The following NUP62CL variants were observed in gnomAD, a reference collection of about 807,000 sequenced individuals.
NUP62CL encodes the protein nucleoporin-62 C-terminal-like protein.
In NUP62CL, 13 loss-of-function variants were observed where a neutral mutation model predicts 15.3. The ratio of observed to expected loss-of-function variants is 0.85; its 90% CI spans 0.55 to 1.35. The LOEUF is 1.35. Among genes scored for constraint, NUP62CL ranks in the 40% most tolerant of loss-of-function variants. The pLI, the probability that NUP62CL is intolerant of heterozygous loss-of-function variation, is 0.00. For synonymous variants in NUP62CL, 54 were observed against 49.2 expected (o/e 1.10, Z -0.41); for missense variants, 123 against 130.6 (o/e 0.94, Z 0.28).
intron 1 of NUP62CL, among the ~76,000 whole-genome samples, chrX:107,198,514 C>G (rs974092916): frequency 4.5e-5 from 5 of 111,894 alleles, no homozygotes; most frequent in African/African-American, 1.6e-4. Context: ...TAACACTCAC[C>G]GTGAAGGTCT....
intron 1 of NUP62CL, among the ~76,000 whole-genome samples, chrX:107,203,628 C>A (rs1347135674): frequency 1.8e-5 from 2 of 110,781 alleles, no homozygotes; most frequent in Non-Finnish European, 3.8e-5. Context: ...CCAACTCACT[C>A]TACGAAATAT....
chrX:107,129,022 A>G (rs181638772), intron 8 of NUP62CL, among the ~76,000 whole-genome samples: 70 of 111,760 alleles, frequency 6.3e-4, no homozygotes, highest in African/African-American at 2.2e-3. Context: ...CACTAAGGTT[A>G]CCAGTTAGAG....
At chrX:107,200,334 G>A (rs1292624032) in intron 1 of NUP62CL, among the ~76,000 whole-genome samples, 6 of 111,224 alleles carry the variant, frequency 5.4e-5, no homozygotes, top group African/African-American at 9.8e-5. Context: ...GCTGAAGACT[G>A]TTAATTGCTC....
At chrX:107,205,801 G>C (rs1276175136) in intron 1 of NUP62CL, among the ~76,000 whole-genome samples, 1 of 110,630 alleles carries the variant, frequency 9.0e-6, no homozygotes, top group Non-Finnish European at 1.9e-5. Context: ...AGTGGCAAGC[G>C]AGCGGCGCGC....
rs1276088421 is a variant in NUP62CL at position 107,184,292 on chromosome X, AAGAGAAGAAAGAAAGAAAGAAAG to A, written c.-48+8714_-48+8736del. 7.6e-3 allele frequency among the ~76,000 whole-genome samples: 412 copies of A among 54,321 alleles called. 8 individuals are homozygous for A. The highest frequency in any genetic ancestry group is 0.037 in the African/African-American group (386 of 10,568). The allele number at this position is 54,321 out of a possible 115,157, so 47.2% of individuals were successfully genotyped here. On this transcript the variant is annotated intron_variant, in intron 2 of 8. Transcript: ENST00000372466. Reference sequence around the variant, plus strand: ...GAAAAAACCCGCCTCAGCACAAAAAAAGAGAAGAAAGAAAGAAAGAAAGAAAGAAAGAAAGAAAGAAAGAAAGA... The same window carrying A: ...GAAAAAACCCGCCTCAGCACAAAAAAAAAGAAAGAAAGAAAGAAAGAAAGA...
chrX:107,169,907 G>A (rs1408849218), intron 3 of NUP62CL, among the ~76,000 whole-genome samples: 1 of 110,443 alleles, frequency 9.1e-6, no homozygotes, highest in Non-Finnish European at 1.9e-5. Flanking sequence ...AACATGGATA[G>A]ATATTCAAAG....
Position 107,127,116 on chromosome X carries a change from G to A in NUP62CL, c.*43-2784C>T, listed in dbSNP as rs540706366. ...TGACTGTACAATGAAATGATACACA[G>A]CAATAACAGGAATTAAGTACTGATA... On this transcript the variant is annotated intron_variant, in intron 8 of 8. Coordinates refer to ENST00000372466, the MANE Select transcript of NUP62CL (RefSeq NM_017681.3). Among the ~76,000 whole-genome samples, 4 of 111,086 alleles carry A rather than the reference G, an allele frequency of 3.6e-5. No individual in the cohort carries two copies. In the South Asian group the frequency reaches 1.5e-3, roughly 42 times the overall value.
chrX:107,131,672 G>A, intron 8 of NUP62CL: 1 of 628,288 alleles, frequency 1.6e-6, no homozygotes, highest in Non-Finnish European at 2.7e-6. Context: ...GGAGGATGGA[G>A]AAGAGGAGGA....
intron 2 of NUP62CL, among the ~76,000 whole-genome samples, chrX:107,184,083 T>TC (rs752421868): frequency 2.6e-4 from 27 of 102,318 alleles, no homozygotes; most frequent in African/African-American, 4.3e-4. Flanking sequence ...AGGCAGCACC[T>TC]CCCCCCCCTC....
intron 8 of NUP62CL, among the ~76,000 whole-genome samples, chrX:107,128,148 G>A (rs1294714769): frequency 1.8e-5 from 2 of 112,271 alleles, no homozygotes; most frequent in Non-Finnish European, 3.8e-5. Context: ...TTTATGTCCA[G>A]TAATCATGGA....
chrX:107,197,739 G>A (rs1283780486), intron 1 of NUP62CL, among the ~76,000 whole-genome samples: 3 of 110,229 alleles, frequency 2.7e-5, no homozygotes, highest in African/African-American at 9.9e-5. Context: ...ATCTAAATGG[G>A]GCTTACTGAA....
chrX:107,138,615 T>C (rs2147793709), intron 8 of NUP62CL, among the ~76,000 whole-genome samples: 1 of 111,938 alleles, frequency 8.9e-6, no homozygotes, highest in African/African-American at 3.2e-5. Context: ...TTGATATCAC[T>C]ACACCTCCAT....
intron 2 of NUP62CL, among the ~76,000 whole-genome samples, chrX:107,185,732 A>G (rs1927044554): frequency 1.8e-5 from 2 of 112,021 alleles, no homozygotes; most frequent in African/African-American, 6.5e-5. Flanking sequence ...TAATACAGCA[A>G]TACAATAATT....
Position 107,140,176 on chromosome X carries a change from G to A in NUP62CL, c.*42+7567C>T, listed in dbSNP as rs1193336471. Among the ~76,000 whole-genome samples, 12 of 111,737 alleles carry A rather than the reference G, an allele frequency of 1.1e-4. No homozygotes were observed. In the Admixed American group the frequency reaches 1.1e-3, roughly 11 times the overall value. Reference sequence around the variant, plus strand: ...AAAGAAAAGATGGTGAAAGCATCCTGAATTCATGGAGGCAGAGGAGAAAAA... The same window carrying A: ...AAAGAAAAGATGGTGAAAGCATCCTAAATTCATGGAGGCAGAGGAGAAAAA... On this transcript the variant is annotated intron_variant, in intron 8 of 8. Transcript: ENST00000372466.
intron 8 of NUP62CL, among the ~76,000 whole-genome samples, chrX:107,138,235 T>C (rs969704094): frequency 9.0e-6 from 1 of 110,869 alleles, no homozygotes; most frequent in African/African-American, 3.3e-5. Flanking sequence ...TAGGAAAAAA[T>C]CTTGGGGATA....
chrX:107,126,645 T>C (rs1458298133), intron 8 of NUP62CL, among the ~76,000 whole-genome samples: 1 of 112,024 alleles, frequency 8.9e-6, no homozygotes, highest in Non-Finnish European at 1.9e-5. Flanking sequence ...GATATCTACA[T>C]CCAAATGAAA....
At chrX:107,164,542 T>C (rs1408522391) in intron 4 of NUP62CL, among the ~76,000 whole-genome samples, 2 of 111,302 alleles carry the variant, frequency 1.8e-5, no homozygotes, top group Non-Finnish European at 3.8e-5. Flanking sequence ...AATGATTAAT[T>C]AAACAAAAGC....
rs754057133 is a variant in NUP62CL at position 107,189,932 on chromosome X, AG to A, written c.-48+3096del. Among the ~76,000 whole-genome samples, 403 of 108,196 alleles carry A rather than the reference AG, an allele frequency of 3.7e-3. 4 individuals are homozygous for A. Among genetic ancestry groups the A allele is most frequent in the Non-Finnish European group, 4.7e-3 (247 of 52,261 alleles). The allele number at this position is 108,196 out of a possible 115,157, so 94.0% of individuals were successfully genotyped here. A position where few individuals can be genotyped will look rare whatever the true frequency, so the allele number is the denominator to read the frequency against. The stretch of plus-strand genomic sequence containing the variant: ...AAGAAAGAAAGAAAGAAAGAAAGAA[AG>A]AAAGAAAGAAAGAGAATCGATACAG... On this transcript the variant is annotated intron_variant, in intron 2 of 8. Transcript: ENST00000372466.
intron 2 of NUP62CL, 37 bp from the exon 3 acceptor site, chrX:107,175,230 TA>T (rs772215271): frequency 4.7e-6 from 3 of 640,134 alleles, no homozygotes; most frequent in East Asian, 6.6e-5. Flanking sequence ...AATATGTCAC[TA>T]AAAATAATTT....
Sources: allele counts gnomAD v4.1 joint callset (sites outside exome capture counted in the v4.1 genomes callset), GRCh38; gene constraint gnomAD v4.1.1; transcripts MANE v1.5; gene names NCBI Gene and HGNC (gene_info 2026-07-23, HGNC 2026-07-21).